MAN1C1: variants seen among roughly 807,000 people sequenced by gnomAD.
MAN1C1 encodes the protein mannosyl-oligosaccharide 1,2-alpha-mannosidase IC.
MAN1C1 carries 49 observed loss-of-function variants against 71.5 expected under a neutral mutation model. The observed-to-expected ratio is 0.69, with a 90% CI of 0.54 to 0.87. The LOEUF is 0.87. Among genes scored for constraint, MAN1C1 ranks in the 40% least tolerant of loss-of-function variants. MAN1C1 has a pLI of 0.00. For missense variants in MAN1C1, 743 were observed against 835.0 expected (o/e 0.89, Z 1.36); for synonymous variants, 352 against 343.7 (o/e 1.02, Z -0.27).
intron 2 of MAN1C1, among the ~76,000 whole-genome samples, chr1:25,695,558 C>T (rs2046359169): frequency 3.9e-5 from 6 of 152,122 alleles, no homozygotes; most frequent in Admixed American, 3.9e-4. Flanking sequence ...CAAAGCACGC[C>T]TCGAAATTAG....
chr1:25,743,035 T>C (rs1428799142), intron 2 of MAN1C1, among the ~76,000 whole-genome samples: 1 of 152,216 alleles, frequency 6.6e-6, no homozygotes, highest in East Asian at 1.9e-4. Context: ...TTATCAGATG[T>C]ATCTAGGCCA....
intron 1 of MAN1C1, among the ~76,000 whole-genome samples, chr1:25,627,540 G>T (rs1209121204): frequency 6.6e-6 from 1 of 152,186 alleles, no homozygotes; most frequent in African/African-American, 2.4e-5. Context: ...CTCCCAAAGT[G>T]CTGGGATTAC....
At chr1:25,729,814 A>G (rs931282905) in intron 2 of MAN1C1, among the ~76,000 whole-genome samples, 13 of 151,984 alleles carry the variant, frequency 8.6e-5, no homozygotes, top group African/African-American at 2.9e-4. Context: ...CTGGCCAGGC[A>G]TCCCATTTTC....
intron 1 of MAN1C1, chr1:25,644,497 C>CATGTATATATAT (rs1553182563): frequency 7.5e-5 from 6 of 80,144 alleles, no homozygotes; most frequent in African/African-American, 5.4e-4. Flanking sequence ...GTACCAGAGA[C>CATGTATATATAT]ATATATATAT....
In MAN1C1 at chr1:25,776,838, A is replaced by G. The variant is rs2047625263; in HGVS notation, c.1258-1267A>G. On this transcript the variant is annotated intron_variant, in intron 8 of 11. Transcript: ENST00000374332. This position sits in a 1 kb window ranked among gnomAD's most constrained non-coding sequence, Gnocchi z 4.3. ...TCATAGGGGTCAGTAATTAGTGGGGACTCGCTCTGTGCTGGGAAATAGGCC... is the reference window on the plus strand; with the variant it reads ...TCATAGGGGTCAGTAATTAGTGGGGGCTCGCTCTGTGCTGGGAAATAGGCC... 6.6e-6 allele frequency among the ~76,000 whole-genome samples: 1 copy of G among 151,888 alleles called. No homozygotes were observed. Among genetic ancestry groups the G allele is most frequent in the African/African-American group, 2.4e-5 (1 of 41,324 alleles).
Position 25,751,672 on chromosome 1 carries a change from T to A in MAN1C1, c.835-1812T>A, listed in dbSNP as rs551913831. ...CACCTCCCTGAGCCAGATGCCATGC[T>A]GCATACCTCGTGTACTTTCTCACTG... On this transcript the variant is annotated intron_variant, in intron 4 of 11. Coordinates refer to ENST00000374332, the MANE Select transcript of MAN1C1 (RefSeq NM_020379.4). Among the ~76,000 whole-genome samples the A allele has an allele frequency of 1.3e-4, 20 of 152,362 alleles. No individual in the cohort carries two copies. In the South Asian group the frequency reaches 4.1e-3, roughly 32 times the overall value.
At chr1:25,721,044 A>G (rs978701713) in intron 2 of MAN1C1, among the ~76,000 whole-genome samples, 3 of 152,208 alleles carry the variant, frequency 2.0e-5, no homozygotes, top group African/African-American at 7.2e-5. Context: ...TGCCAGTATC[A>G]CACTGTCTTG....
Position 25,686,351 on chromosome 1 carries a change from ACACGTTG to A in MAN1C1, c.541-86_541-80del, listed in dbSNP as rs1282320764. The A allele has an allele frequency of 1.1e-4, 122 of 1,061,484 alleles. 1 individual carries two copies. The highest frequency in any genetic ancestry group is 8.1e-4 in the East Asian group (34 of 41,918). 65.8% of individuals were successfully genotyped at this position (1,061,484 alleles called of 1,614,324 possible). ...TGGAAGGTTATCTTTTAGTTTAAAAACACGTTGCAAGGGGCAAAGCCAGGCGGCCAGT... is the reference window on the plus strand; with the variant it reads ...TGGAAGGTTATCTTTTAGTTTAAAAACAAGGGGCAAAGCCAGGCGGCCAGT... On this transcript the variant is annotated intron_variant, in intron 1 of 11. Coordinates refer to ENST00000374332, the MANE Select transcript of MAN1C1 (RefSeq NM_020379.4).
chr1:25,681,846 G>A (rs1267345806), intron 1 of MAN1C1, among the ~76,000 whole-genome samples: 1 of 151,906 alleles, frequency 6.6e-6, no homozygotes, highest in Non-Finnish European at 1.5e-5. Context: ...GGACTAATAG[G>A]TTTTTAAGTT....
intron 2 of MAN1C1, among the ~76,000 whole-genome samples, chr1:25,722,557 G>C (rs1463876526): frequency 6.6e-6 from 1 of 152,160 alleles, no homozygotes; most frequent in Non-Finnish European, 1.5e-5. Context: ...ATTTCCAAGA[G>C]CTCCATTTTA....
intron 1 of MAN1C1, among the ~76,000 whole-genome samples, chr1:25,658,024 C>T (rs927217686): frequency 6.6e-6 from 1 of 152,222 alleles, no homozygotes; most frequent in African/African-American, 2.4e-5. Flanking sequence ...GTGCTCTACA[C>T]CATCTCCTTG....
In MAN1C1 at chr1:25,627,496, A is replaced by G. The variant is rs151218292; in HGVS notation, c.540+9159A>G. On this transcript the variant is annotated intron_variant, in intron 1 of 11. Coordinates refer to ENST00000374332, the MANE Select transcript of MAN1C1 (RefSeq NM_020379.4). ...TGCCATGTTAGCTAGGCTGGTCTCAAACTCCTGACCTCCAGTGATTTGCCC... is the reference window on the plus strand; with the variant it reads ...TGCCATGTTAGCTAGGCTGGTCTCAGACTCCTGACCTCCAGTGATTTGCCC... Among the ~76,000 whole-genome samples, 1,225 of 152,168 alleles carry G rather than the reference A, an allele frequency of 8.1e-3. 4 individuals are homozygous for G. Among genetic ancestry groups the G allele is most frequent in the South Asian group, 0.02 (96 of 4,818 alleles).
chr1:25,625,156 C>T (rs1180353089), intron 1 of MAN1C1, among the ~76,000 whole-genome samples: 2 of 152,086 alleles, frequency 1.3e-5, no homozygotes, highest in Admixed American at 1.3e-4. Context: ...CAGGCACCTG[C>T]CACCATGCCC....
At chr1:25,752,389 A>G (rs893891333) in intron 4 of MAN1C1, among the ~76,000 whole-genome samples, 1 of 151,824 alleles carries the variant, frequency 6.6e-6, no homozygotes, top group African/African-American at 2.4e-5. Context: ...ATGGTCTCGA[A>G]CTCCTGACCT....
chr1:25,708,013 A>G (rs1380633991), intron 2 of MAN1C1, among the ~76,000 whole-genome samples: 4 of 152,230 alleles, frequency 2.6e-5, no homozygotes, highest in African/African-American at 9.6e-5. Flanking sequence ...AAGGGGTCCC[A>G]ATCCAGATCC....
At chr1:25,754,481 G>GTAGT (rs1175522757) in intron 5 of MAN1C1, among the ~76,000 whole-genome samples, 1 of 152,072 alleles carries the variant, frequency 6.6e-6, no homozygotes, top group Non-Finnish European at 1.5e-5. Flanking sequence ...GTCCTCCCCT[G>GTAGT]TAGTTGGGAA....
intron 2 of MAN1C1, among the ~76,000 whole-genome samples, chr1:25,727,495 A>G (rs1055960919): frequency 2.0e-5 from 3 of 152,218 alleles, no homozygotes; most frequent in Admixed American, 6.5e-5. Flanking sequence ...GTGCAGGACA[A>G]AATGGCCTTG....
rs75294332 is a variant in MAN1C1, at chr1:25,639,341, T to C, written c.540+21004T>C. Among the ~76,000 whole-genome samples, 1,072 of 152,344 alleles carry C rather than the reference T, an allele frequency of 7.0e-3. 17 individuals carry two copies. The highest frequency in any genetic ancestry group is 0.025 in the African/African-American group (1,023 of 41,582). On this transcript the variant is annotated intron_variant, in intron 1 of 11. Coordinates refer to ENST00000374332, the MANE Select transcript of MAN1C1 (RefSeq NM_020379.4). The stretch of plus-strand genomic sequence containing the variant: ...CCAACATCTTTGTCATCATTTGGCC[T>C]GTTTATATTGACTGACTTATCTGCT...
At chr1:25,629,560 C>T (rs903845476) in intron 1 of MAN1C1, among the ~76,000 whole-genome samples, 2 of 152,124 alleles carry the variant, frequency 1.3e-5, no homozygotes, top group African/African-American at 4.8e-5. Context: ...CTCGGGATCA[C>T]AGGCATGTGT....
Sources: gnomAD v4.1 joint callset for allele counts (sites outside exome capture counted in the v4.1 genomes callset) on GRCh38, gnomAD v4.1.1 for gene constraint, Gnocchi (gnomAD v3.1) non-coding constraint, MANE v1.5 for transcripts, NCBI Gene and HGNC (gene_info 2026-07-23, HGNC 2026-07-21) for gene names.